ABCB4: variants seen among roughly 807,000 people sequenced by gnomAD.
The protein encoded by ABCB4 is phosphatidylcholine translocator ABCB4.
ABCB4 carries 76 observed loss-of-function variants against 145.7 expected under a neutral mutation model. The observed-to-expected ratio is 0.52, with a 90% CI of 0.43 to 0.63. The LOEUF is 0.63. Among genes scored for constraint, ABCB4 ranks in the 30% least tolerant of loss-of-function variants. ABCB4 has a pLI of 0.00. For missense variants in ABCB4, 1,234 were observed against 1,553.1 expected (o/e 0.79, Z 3.45); for synonymous variants, 517 against 566.8 (o/e 0.91, Z 1.25).
chr7:87,438,223 A>G (rs1271333858), intron 14 of ABCB4, among the ~76,000 whole-genome samples: 1 of 152,188 alleles, frequency 6.6e-6, no homozygotes, highest in South Asian at 2.1e-4. Flanking sequence ...ATGCCAATAC[A>G]TGAATGTCTA....
intron 9 of ABCB4, among the ~76,000 whole-genome samples, chr7:87,446,543 T>G (rs1811355581): frequency 6.6e-6 from 1 of 152,222 alleles, no homozygotes; most frequent in African/African-American, 2.4e-5. Context: ...AATTAGTATA[T>G]ATTATTTTAA....
the ABCB4 span, among the ~76,000 whole-genome samples, chr7:87,377,863 A>G: frequency 0.87 from 132,859 of 152,110 alleles, 58,189 homozygotes; most frequent in Middle Eastern, 0.94. Flanking sequence ...AATGACACAT[A>G]ATCTTTGGAA....
chr7:87,403,022 C>CT, intron 27 of ABCB4, 113 bp downstream of exon 27: 1 of 1,196,112 alleles, frequency 8.4e-7, no homozygotes, highest in Non-Finnish European at 1.2e-6. Context: ...AAACCACTAT[C>CT]TAACGTTCTG....
At chr7:87,447,534 G>T (rs1477107327) in intron 8 of ABCB4, among the ~76,000 whole-genome samples, 1 of 152,174 alleles carries the variant, frequency 6.6e-6, no homozygotes, top group African/African-American at 2.4e-5. Context: ...CACAAGTCAG[G>T]GTTAAGAGGG....
chr7:87,374,996 A>G, the ABCB4 span, among the ~76,000 whole-genome samples: 4 of 152,074 alleles, frequency 2.6e-5, no homozygotes, highest in Admixed American at 2.6e-4. Flanking sequence ...CCAGTTATTT[A>G]TCTGCTGTAT....
intron 6 of ABCB4, among the ~76,000 whole-genome samples, chr7:87,452,143 CT>C (rs1320026585): frequency 2.0e-5 from 3 of 152,148 alleles, no homozygotes; most frequent in Non-Finnish European, 4.4e-5. Flanking sequence ...GGAAGTATTA[CT>C]GCATTTCTTC....
chr7:87,443,604 T>C, intron 11 of ABCB4, 59 bp downstream of exon 11: 1 of 1,554,184 alleles, frequency 6.4e-7, no homozygotes, highest in Non-Finnish European at 8.9e-7. Context: ...ACTTTATTCT[T>C]TAAAATGATT....
chr7:87,398,501 T>G, downstream of ABCB4: 1 of 1,612,586 alleles, frequency 6.2e-7, no homozygotes, highest in Non-Finnish European at 8.5e-7. Context: ...GTGTAATCAT[T>G]AATCATTATT....
At chr7:87,433,572 A>G (rs1276023527) in intron 14 of ABCB4, among the ~76,000 whole-genome samples, 1 of 152,142 alleles carries the variant, frequency 6.6e-6, no homozygotes, top group African/African-American at 2.4e-5. Flanking sequence ...ATTGCTATGT[A>G]AAAGAAATAA....
In ABCB4 at chr7:87,431,624, A is replaced by G. The variant is rs1584725263; in HGVS notation, c.1732-59T>C. 3.7e-6 allele frequency: 6 copies of G among 1,600,670 alleles called. No individual in the cohort carries two copies. In the East Asian group the frequency reaches 1.3e-4, roughly 36 times the overall value. On this transcript the variant is annotated intron_variant, in intron 14 of 27. Coordinates refer to ENST00000649586, the MANE Select transcript of ABCB4 (RefSeq NM_000443.4). ...CAGTATTGGCACACTGTCAATTAAC[A>G]TGCACAGTTAAGCACTTGGATGAAT...
intron 3 of ABCB4, among the ~76,000 whole-genome samples, chr7:87,469,830 G>T (rs1485918307): frequency 6.6e-6 from 1 of 150,846 alleles, no homozygotes; most frequent in Non-Finnish European, 1.5e-5. Flanking sequence ...TCCCCATCAA[G>T]CTACCAATGA....
the ABCB4 span, chr7:87,381,930 G>T: frequency 1.2e-6 from 2 of 1,609,882 alleles, no homozygotes; most frequent in Non-Finnish European, 8.5e-7. Flanking sequence ...TTGATGCAAT[G>T]ATTATGGTGA....
At chr7:87,369,670 A>G in the ABCB4 span, 1 of 275,432 alleles carries the variant, frequency 3.6e-6, no homozygotes, top group Non-Finnish European at 6.7e-6. Context: ...CTAGACATAT[A>G]TAAATATGTT....
intron 14 of ABCB4, among the ~76,000 whole-genome samples, chr7:87,439,009 A>G (rs1434844615): frequency 6.6e-6 from 1 of 152,316 alleles, no homozygotes; most frequent in East Asian, 1.9e-4. Context: ...ACTAATTTCT[A>G]TGGTGTCATC....
chr7:87,392,529 AGT>A, the ABCB4 span: 1 of 1,536,532 alleles, frequency 6.5e-7, no homozygotes, highest in South Asian at 1.1e-5. Flanking sequence ...GGTTTTGCAC[AGT>A]GTGTTATTGA....
At chr7:87,404,268 C>A (rs1212527543) in intron 26 of ABCB4, among the ~76,000 whole-genome samples, 1 of 152,034 alleles carries the variant, frequency 6.6e-6, no homozygotes, top group Non-Finnish European at 1.5e-5. Flanking sequence ...CAGTGGAACC[C>A]CGAATGCTGG....
chr7:87,402,324 A>T, intron 27 of ABCB4, 22 bp from the exon 28 acceptor site: 1 of 1,613,642 alleles, frequency 6.2e-7, no homozygotes, highest in Non-Finnish European at 8.5e-7. Context: ...TCAGACAGAC[A>T]CCTTATCCCA....
chr7:87,469,998 A>G (rs1475797530), intron 3 of ABCB4, among the ~76,000 whole-genome samples: 1 of 152,262 alleles, frequency 6.6e-6, no homozygotes, highest in African/African-American at 2.4e-5. Context: ...CCAAAACAGC[A>G]TGGTACTGGT....
intron 8 of ABCB4, among the ~76,000 whole-genome samples, chr7:87,447,551 A>G (rs1043390410): frequency 2.6e-5 from 4 of 152,220 alleles, no homozygotes; most frequent in African/African-American, 9.6e-5. Context: ...AGGGAATGAG[A>G]GAAACCAAGC....
Sources: allele counts gnomAD v4.1 joint callset (sites outside exome capture counted in the v4.1 genomes callset), GRCh38; gene constraint gnomAD v4.1.1; transcripts MANE v1.5; gene names NCBI Gene and HGNC (gene_info 2026-07-23, HGNC 2026-07-21).